Variants in GNAQ observed in about 807,000 individuals in gnomAD.
GNAQ encodes guanine nucleotide-binding protein G(q) subunit alpha.
In GNAQ, 8 loss-of-function variants were observed where a neutral mutation model predicts 43.9. That is an observed-to-expected ratio of 0.18 (90% CI 0.11 to 0.33). GNAQ has a LOEUF of 0.33. Among genes scored for constraint, GNAQ ranks in the 10% least tolerant of loss-of-function variants. The pLI, the probability that GNAQ is intolerant of heterozygous loss-of-function variation, is 1.00. For missense variants in GNAQ, 158 were observed against 450.8 expected, an observed-to-expected ratio of 0.35 and a Z score of 5.88; for synonymous variants, 155 against 170.7, an observed-to-expected ratio of 0.91 and a Z score of 0.71.
At position 77,721,569 on chromosome 9, in the gene GNAQ, A is replaced by G. The variant is rs149624211; in HGVS notation, c.890-56T>C. The G allele has an allele frequency of 7.0e-4, 699 of 1,004,376 alleles. 6 individuals are homozygous for G. Among genetic ancestry groups the G allele is most frequent in the African/African-American group, 6.5e-3 (410 of 62,792 alleles). 62.2% of individuals were successfully genotyped at this position (1,004,376 alleles called of 1,614,324 possible). ...GTTACCTAATCTGCTAATGTATTCA[A>G]TCATCATTGGTTCAATAAATACTGT... On this transcript the variant is annotated intron_variant, in intron 6 of 6. Coordinates refer to ENST00000286548, the MANE Select transcript of GNAQ (RefSeq NM_002072.5).
chr9:77,732,583 A>T (rs1282550958), intron 5 of GNAQ, among the ~76,000 whole-genome samples: 1 of 152,068 alleles, frequency 6.6e-6, no homozygotes, highest in African/African-American at 2.4e-5. Flanking sequence ...CCAGGCTGGT[A>T]ATGAACTCCT....
At chr9:78,005,291 C>T (rs143052061) in intron 1 of GNAQ, among the ~76,000 whole-genome samples, 1 of 152,312 alleles carries the variant, frequency 6.6e-6, no homozygotes, top group East Asian at 1.9e-4. Context: ...GCAATCTGCC[C>T]GCCTTGGCCT....
chr9:77,762,483 AGCCCCCCGCCTG>A (rs1383679130), intron 5 of GNAQ, among the ~76,000 whole-genome samples: 1 of 142,852 alleles, frequency 7.0e-6, no homozygotes, highest in Non-Finnish European at 1.5e-5. Context: ...TGGGGGGGTC[AGCCCCCCGCCTG>A]GCCAGCCGCC....
intron 5 of GNAQ, among the ~76,000 whole-genome samples, chr9:77,790,721 A>G (rs752086689): frequency 6.6e-6 from 1 of 152,134 alleles, no homozygotes; most frequent in African/African-American, 2.4e-5. Context: ...TCTAACATCT[A>G]GAAGACACTA....
intron 2 of GNAQ, among the ~76,000 whole-genome samples, chr9:77,818,125 T>C (rs1209292169): frequency 6.6e-6 from 1 of 152,188 alleles, no homozygotes; most frequent in Non-Finnish European, 1.5e-5. Context: ...TATAAACCCG[T>C]TACTCAGAAG....
At chr9:77,837,986 T>C (rs1462401856) in intron 2 of GNAQ, among the ~76,000 whole-genome samples, 2 of 151,698 alleles carry the variant, frequency 1.3e-5, no homozygotes, top group African/African-American at 2.4e-5. Flanking sequence ...GCCTCCTGAG[T>C]AGCTGGAACT....
intron 1 of GNAQ, among the ~76,000 whole-genome samples, chr9:78,026,204 G>A (rs1210894239): frequency 6.6e-6 from 1 of 152,138 alleles, no homozygotes; most frequent in Non-Finnish European, 1.5e-5. Flanking sequence ...GTTCAGCAGG[G>A]TTTTAATTTG....
intron 5 of GNAQ, among the ~76,000 whole-genome samples, chr9:77,734,390 A>T (rs1483798442): frequency 6.6e-6 from 1 of 152,236 alleles, no homozygotes; most frequent in Non-Finnish European, 1.5e-5. Flanking sequence ...CAATACATTG[A>T]TAAACCATAT....
chr9:77,889,381 A>T (rs1051602650), intron 2 of GNAQ, among the ~76,000 whole-genome samples: 6 of 123,274 alleles, frequency 4.9e-5, no homozygotes, highest in Non-Finnish European at 9.5e-5. Flanking sequence ...ACTGCATTCC[A>T]GCCTGGGCGA....
chr9:77,966,690 C>T (rs1323551026), intron 1 of GNAQ, among the ~76,000 whole-genome samples: 1 of 152,168 alleles, frequency 6.6e-6, no homozygotes, highest in Non-Finnish European at 1.5e-5. Context: ...TGCTAAGATA[C>T]TCATGAGGGG....
At chr9:78,021,855 G>A (rs527954645) in intron 1 of GNAQ, among the ~76,000 whole-genome samples, 1 of 152,242 alleles carries the variant, frequency 6.6e-6, no homozygotes, top group African/African-American at 2.4e-5. Flanking sequence ...TTGAGGATAC[G>A]GAAGAAAAGA....
In GNAQ at chr9:77,958,715, G is replaced by T. The variant is rs1823071753; in HGVS notation, c.137-36370C>A. On this transcript the variant is annotated intron_variant, in intron 1 of 6. Transcript: ENST00000286548. The stretch of plus-strand genomic sequence containing the variant: ...TTTAATGCCATTAACAAACAGGCAG[G>T]TGAAGCAAATCCATGAAGCCATGGG... Among the ~76,000 whole-genome samples the T allele has an allele frequency of 2.0e-5, 3 of 152,166 alleles. No individual in the cohort carries two copies. The South Asian group carries it at 6.2e-4, about 32-fold the overall frequency.
intron 1 of GNAQ, among the ~76,000 whole-genome samples, chr9:77,966,247 G>T (rs1413121402): frequency 6.6e-6 from 1 of 152,146 alleles, no homozygotes; most frequent in Non-Finnish European, 1.5e-5. Context: ...TCATGGTGGT[G>T]ATGATTTCAT....
intron 3 of GNAQ, among the ~76,000 whole-genome samples, chr9:77,805,083 T>A (rs536254659): frequency 6.6e-6 from 1 of 152,096 alleles, no homozygotes; most frequent in Non-Finnish European, 1.5e-5. Context: ...TAAAGTGACC[T>A]GCAAAAACAA....
intron 5 of GNAQ, among the ~76,000 whole-genome samples, chr9:77,763,262 C>T (rs1826083467): frequency 6.6e-6 from 1 of 151,930 alleles, no homozygotes. Flanking sequence ...ATTAAGGTAA[C>T]CCATGAAAAG....
intron 1 of GNAQ, among the ~76,000 whole-genome samples, chr9:77,987,268 C>T (rs781581482): frequency 6.6e-6 from 1 of 151,994 alleles, no homozygotes; most frequent in Non-Finnish European, 1.5e-5. Context: ...TTTGGGTCTG[C>T]AGAGTCATTG....
Position 77,998,810 on chromosome 9 carries a change from G to A in GNAQ, c.136+32290C>T, listed in dbSNP as rs549921435. On this transcript the variant is annotated intron_variant, in intron 1 of 6. Coordinates refer to ENST00000286548, the MANE Select transcript of GNAQ (RefSeq NM_002072.5). Reference sequence around the variant, plus strand: ...ACTGCAATAAGACTTAAAAGGGCCGGGCACGGTGGCTCAAACCTATAATCC... The same window carrying A: ...ACTGCAATAAGACTTAAAAGGGCCGAGCACGGTGGCTCAAACCTATAATCC... Among the ~76,000 whole-genome samples, 4 of 152,176 alleles carry A rather than the reference G, an allele frequency of 2.6e-5. No individual in the cohort carries two copies. In the South Asian group the frequency reaches 6.2e-4, roughly 24 times the overall value.
In GNAQ at chr9:77,835,392, C is replaced by T. The variant is rs540597339; in HGVS notation, c.322-19622G>A. ...CTTATATTTATGCAGCTGCTACTAA[C>T]TCTTCAGACTAGAAGGGAGAGGCTA... On this transcript the variant is annotated intron_variant, in intron 2 of 6. Transcript: ENST00000286548. 1.1e-4 allele frequency among the ~76,000 whole-genome samples: 16 copies of T among 152,040 alleles called. No homozygotes were observed. The South Asian group carries it at 3.1e-3, about 30-fold the overall frequency.
intron 1 of GNAQ, among the ~76,000 whole-genome samples, chr9:78,013,484 C>A (rs965855801): frequency 7.9e-5 from 12 of 151,492 alleles, no homozygotes; most frequent in Non-Finnish European, 1.6e-4. Context: ...CCACAACAGG[C>A]CCCGGTTTGT....
Sources: gnomAD v4.1 joint callset for allele counts (sites outside exome capture counted in the v4.1 genomes callset) on GRCh38, gnomAD v4.1.1 for gene constraint, MANE v1.5 for transcripts, NCBI Gene and HGNC (gene_info 2026-07-23, HGNC 2026-07-21) for gene names.